Variants in FOXM1 observed in about 807,000 individuals in gnomAD.
The protein encoded by FOXM1 is forkhead box protein M1.
In FOXM1, 25 loss-of-function variants were observed where a neutral mutation model predicts 63.6. That is an observed-to-expected ratio of 0.39 (90% CI 0.29 to 0.55). The LOEUF (loss-of-function observed/expected upper bound fraction) is 0.55, where lower values mean the gene tolerates loss of function less well. Among genes scored for constraint, FOXM1 ranks in the 20% least tolerant of loss-of-function variants. The probability of loss-of-function intolerance (pLI) is 0.60; values close to 1 mark genes in which losing one functional copy is unlikely to be tolerated. For missense variants in FOXM1, 879 were observed against 958.7 expected, an observed-to-expected ratio of 0.92 and a Z score of 1.10; for synonymous variants, 387 against 376.9, an observed-to-expected ratio of 1.03 and a Z score of -0.31.
chr12:2,869,884 G>C (rs2098129982), intron 3 of FOXM1, among the ~76,000 whole-genome samples: 1 of 151,756 alleles, frequency 6.6e-6, no homozygotes, highest in African/African-American at 2.4e-5. Flanking sequence ...GCTATGCCCG[G>C]TCTCATTCAC....
chr12:2,876,465 G>A (rs1159759252), intron 1 of FOXM1: 1 of 152,168 alleles, frequency 6.6e-6, no homozygotes, highest in Non-Finnish European at 1.5e-5. Flanking sequence ...CATCCTGAGC[G>A]GGGAAATCTT....
At chr12:2,871,977 G>A in intron 3 of FOXM1, 119 bp downstream of exon 3, 1 of 1,012,442 alleles carries the variant, frequency 9.9e-7, no homozygotes, top group South Asian at 1.3e-5. Context: ...ATAGCATGAA[G>A]TGGAGAGCTA....
chr12:2,867,956 G>T (rs1167800001), intron 4 of FOXM1, among the ~76,000 whole-genome samples: 1 of 149,280 alleles, frequency 6.7e-6, no homozygotes, highest in Non-Finnish European at 1.5e-5. Flanking sequence ...CTCCAGCCTG[G>T]GTGACAGAGC....
At position 2,872,970 on chromosome 12, in the gene FOXM1, C is replaced by T. The variant is rs566565968; in HGVS notation, c.503-723G>A. On this transcript the variant is annotated intron_variant, in intron 2 of 8. Coordinates refer to ENST00000359843, the MANE Select transcript of FOXM1 (RefSeq NM_021953.4). The surrounding 1 kb of genome is among the most constrained non-coding windows in gnomAD (Gnocchi z 4.0). ...TTGGGAGGCTGATGTGGGAGAATGG[C>T]TTGAGTCCAGGCATTCGAGGCTAGA... Among the ~76,000 whole-genome samples the T allele has an allele frequency of 6.6e-6, 1 of 152,284 alleles. No individual in the cohort carries two copies. Among genetic ancestry groups the T allele is most frequent in the Admixed American group, 6.5e-5 (1 of 15,284 alleles).
intron 8 of FOXM1, 99 bp from the exon 9 acceptor site, chr12:2,859,762 T>A (rs1271196990): frequency 2.3e-5 from 20 of 862,092 alleles, no homozygotes; most frequent in Non-Finnish European, 3.3e-5. Context: ...CGTTTTGAAG[T>A]CTTAAAATCT....
At chr12:2,868,247 T>C (rs1259751966) in intron 4 of FOXM1, 9 of 208,602 alleles carry the variant, frequency 4.3e-5, no homozygotes, top group African/African-American at 6.9e-5. Flanking sequence ...AATCAAGACA[T>C]TTTCATAAAA....
chr12:2,870,656 C>T (rs960916791), intron 3 of FOXM1, among the ~76,000 whole-genome samples: 4 of 146,474 alleles, frequency 2.7e-5, no homozygotes, highest in Middle Eastern at 4.1e-3. Context: ...AGAGAGAATC[C>T]GTCTCAAAAA....
At position 2,869,315 on chromosome 12, in the gene FOXM1, G is replaced by A. The variant is rs891826717; in HGVS notation, c.655-561C>T. Among the ~76,000 whole-genome samples, 4 of 152,102 alleles carry A rather than the reference G, an allele frequency of 2.6e-5. No individual in the cohort carries two copies. The South Asian group carries it at 8.3e-4, about 32-fold the overall frequency. On this transcript the variant is annotated intron_variant, in intron 3 of 8. Coordinates refer to ENST00000359843, the MANE Select transcript of FOXM1 (RefSeq NM_021953.4). ...GACAGGGTCTCACTGTGTCACCCAGGATAGCGTGCAGTGGCTGGATCACAG... is the reference window on the plus strand; with the variant it reads ...GACAGGGTCTCACTGTGTCACCCAGAATAGCGTGCAGTGGCTGGATCACAG...
rs367557692 is a variant in FOXM1 at position 2,859,378 on chromosome 12, T to C, written c.1552A>G (p.Ser518Gly). 7.4e-6 allele frequency: 12 copies of C among 1,613,840 alleles called. No homozygotes were observed. Among genetic ancestry groups the C allele is most frequent in the Admixed American group, 1.7e-5 (1 of 59,984 alleles). The change falls in exon 9 of 9, where the codon AGT becomes GGT. Residue 518 changes from serine (S) to glycine (G), a missense_variant. Physicochemically the swap from Ser to Gly is moderately conservative, Grantham distance 56. Coordinates refer to ENST00000359843, the MANE Select transcript of FOXM1 (RefSeq NM_021953.4). ...SPTPRPKKSY[S>G]GLRSPTRCVS... ...CACCGGGTTGGGGACCTAAGCCCACTGTAGGACTTCTTGGGTCTTGGGGTG... is the reference window on the plus strand; with the variant it reads ...CACCGGGTTGGGGACCTAAGCCCACCGTAGGACTTCTTGGGTCTTGGGGTG...
At chr12:2,860,222 T>C (rs546394341) in intron 8 of FOXM1, among the ~76,000 whole-genome samples, 4 of 152,162 alleles carry the variant, frequency 2.6e-5, no homozygotes, top group Admixed American at 2.6e-4. Flanking sequence ...ATAAACAAAG[T>C]TAAGAAACAA....
intron 4 of FOXM1, 108 bp from the exon 5 acceptor site, chr12:2,866,629 C>CAGTGGG: frequency 8.3e-7 from 1 of 1,202,836 alleles, no homozygotes; most frequent in Non-Finnish European, 1.1e-6. Context: ...GTGCTCAGCA[C>CAGTGGG]AGGCTTCGTC....
In FOXM1 at chr12:2,874,378, C is replaced by G. The variant is rs756452185; in HGVS notation, c.101G>C (p.Arg34Thr). 6.2e-7 allele frequency: 1 copy of G among 1,614,102 alleles called. No individual in the cohort carries two copies. The highest frequency in any genetic ancestry group is 8.5e-7 in the Non-Finnish European group (1 of 1,180,030). The change falls in exon 2 of 9, where the codon AGA becomes ACA. Residue 34 changes from arginine to threonine, a missense_variant. Physicochemically the swap from Arg to Thr is moderately conservative, Grantham distance 71. Coordinates refer to ENST00000359843, the MANE Select transcript of FOXM1 (RefSeq NM_021953.4). The surrounding 1 kb of genome is among the most constrained non-coding windows in gnomAD (Gnocchi z 4.3). ...ATTAGACTCCTGTTGGGCAGGGGATCTCTTAGGTTCCTCCTCTGATGTTTC... is the reference window on the plus strand; with the variant it reads ...ATTAGACTCCTGTTGGGCAGGGGATGTCTTAGGTTCCTCCTCTGATGTTTC... ...PSETSEEEPK[R>T]SPAQQESNQA...
intron 1 of FOXM1, among the ~76,000 whole-genome samples, chr12:2,875,149 C>G (rs993427841): frequency 6.6e-6 from 1 of 152,002 alleles, no homozygotes; most frequent in African/African-American, 2.4e-5. Flanking sequence ...CCCACCACCA[C>G]GCCCGGCTAG....
chr12:2,860,961 G>A (rs750038601), intron 8 of FOXM1, among the ~76,000 whole-genome samples: 2 of 151,782 alleles, frequency 1.3e-5, no homozygotes, highest in Admixed American at 6.6e-5. Flanking sequence ...GAGGTCAGGA[G>A]TTCGTGACCA....
At chr12:2,876,282 C>T (rs2098143299) in intron 1 of FOXM1, 1 of 152,190 alleles carries the variant, frequency 6.6e-6, no homozygotes, top group Admixed American at 6.6e-5. Context: ...CTTTCACCTC[C>T]GATCTTTCCA....
At chr12:2,873,585 TA>T (rs368252515) in intron 2 of FOXM1, among the ~76,000 whole-genome samples, 101 of 148,424 alleles carry the variant, frequency 6.8e-4, no homozygotes, top group South Asian at 8.5e-4. Context: ...TTTTCATTTT[TA>T]TTTTTTTTTT....
chr12:2,865,355 T>G lies in FOXM1; in HGVS notation c.1020A>C (p.Ser340=), dbSNP rs1335493679. The G allele has an allele frequency of 2.5e-6, 4 of 1,610,256 alleles. No homozygotes were observed. In the South Asian group the frequency reaches 3.3e-5, roughly 13 times the overall value. ...CCGAGCCAGAGGGAAAGAACCTTAC[T>G]GATTCCAAGTGCTCGGGCAATTGTG... is the stretch of plus-strand genomic sequence containing the variant. ...GSPQLPEHLE[S]QQKRPNPELR... is the part of the protein sequence containing the mutation. Residue 340 remains serine, a splice_region_variant and synonymous_variant, in exon 6 of 9, where the codon TCA becomes TCC. Coordinates refer to ENST00000359843, the MANE Select transcript of FOXM1 (RefSeq NM_021953.4).
rs1228054165 is a variant in FOXM1 at position 2,874,338 on chromosome 12, G to T, written c.141C>A (p.Ser47=). ...AAGAGTTGGACTCTGCCACTTCCTT[G>T]GAGGCCTCTGCTTGATTAGACTCCT... is the stretch of plus-strand genomic sequence containing the variant. ...AQQESNQAEA[S]KEVAESNSCK... is the part of the protein sequence containing the mutation. The change falls in exon 2 of 9, where the codon TCC becomes TCA. Residue 47 remains serine (S), a synonymous_variant. Coordinates refer to ENST00000359843, the MANE Select transcript of FOXM1 (RefSeq NM_021953.4). The surrounding 1 kb of genome is among the most constrained non-coding windows in gnomAD (Gnocchi z 4.3). 1.9e-6 allele frequency: 3 copies of T among 1,614,120 alleles called. No homozygotes were observed. The highest frequency in any genetic ancestry group is 2.5e-6 in the Non-Finnish European group (3 of 1,180,024).
At chr12:2,861,167 C>G in intron 8 of FOXM1, 1 of 388,946 alleles carries the variant, frequency 2.6e-6, no homozygotes, top group Non-Finnish European at 4.4e-6. Flanking sequence ...GACTCCGTCT[C>G]AAAAAAAAAA....
Sources: gnomAD v4.1 joint callset for allele counts (sites outside exome capture counted in the v4.1 genomes callset) on GRCh38, gnomAD v4.1.1 for gene constraint, Gnocchi (gnomAD v3.1) non-coding constraint, MANE v1.5 for transcripts, NCBI Gene and HGNC (gene_info 2026-07-23, HGNC 2026-07-21) for gene names.